Variants in PALM2AKAP2 observed in about 807,000 individuals in gnomAD.
PALM2AKAP2 encodes the protein PALM2-AKAP2 fusion protein.
Under a neutral mutation model 71.5 loss-of-function variants are expected in PALM2AKAP2, and 37 were observed. That is an observed-to-expected ratio of 0.52 (90% CI 0.40 to 0.68). PALM2AKAP2 has a LOEUF of 0.68. Among genes scored for constraint, PALM2AKAP2 ranks in the 30% least tolerant of loss-of-function variants. The pLI is 0.00. For synonymous variants in PALM2AKAP2, 468 were observed against 478.8 expected (o/e 0.98, Z 0.29); for missense variants, 1,224 against 1,191.8 (o/e 1.03, Z -0.40).
intron 6 of PALM2AKAP2, among the ~76,000 whole-genome samples, chr9:110,004,830 G>A (rs60351508): frequency 0.019 from 2,823 of 152,126 alleles, 99 homozygotes; most frequent in African/African-American, 0.065. Flanking sequence ...TTGGCTACTG[G>A]GGCTTGTGCA....
intron 1 of PALM2AKAP2, among the ~76,000 whole-genome samples, chr9:110,133,001 C>G (rs1835768655): frequency 6.6e-6 from 1 of 152,104 alleles, no homozygotes; most frequent in South Asian, 2.1e-4. Flanking sequence ...AAGATAATGG[C>G]AGTTTTGTAT....
chr9:109,669,538 T>C (rs933510300), intron 1 of PALM2AKAP2, among the ~76,000 whole-genome samples: 4 of 152,140 alleles, frequency 2.6e-5, no homozygotes, highest in East Asian at 1.9e-4. Flanking sequence ...CTTCCTTAAA[T>C]GTTTGATAGA....
At chr9:109,676,783 A>C (rs1827654517) in intron 1 of PALM2AKAP2, among the ~76,000 whole-genome samples, 1 of 152,244 alleles carries the variant, frequency 6.6e-6, no homozygotes. Flanking sequence ...CCAAGGGAGA[A>C]AAGTGTTTCA....
At chr9:110,143,729 G>A (rs990319251) in intron 2 of PALM2AKAP2, among the ~76,000 whole-genome samples, 2 of 152,158 alleles carry the variant, frequency 1.3e-5, no homozygotes, top group African/African-American at 4.8e-5. Flanking sequence ...GAGAGTTTCT[G>A]TTTTCATGCC....
intron 1 of PALM2AKAP2, among the ~76,000 whole-genome samples, chr9:109,689,002 C>T (rs1332464743): frequency 9.9e-5 from 15 of 152,238 alleles, no homozygotes; most frequent in African/African-American, 3.1e-4. Context: ...TTCCATACTT[C>T]GCCACCATCA....
upstream of PALM2AKAP2, among the ~76,000 whole-genome samples, chr9:110,044,324 C>T (rs1174030298): frequency 1.5e-5 from 2 of 129,756 alleles, no homozygotes; most frequent in African/African-American, 5.8e-5. Context: ...GCTTTTCCTG[C>T]TTTTTCTTTT....
chr9:110,082,794 T>G (rs1159641436), intron 1 of PALM2AKAP2, among the ~76,000 whole-genome samples: 1 of 152,198 alleles, frequency 6.6e-6, no homozygotes, highest in African/African-American at 2.4e-5. Flanking sequence ...TTGCCAACAT[T>G]TTTGTCCAGA....
At chr9:109,706,077 T>C (rs1373723860) in intron 1 of PALM2AKAP2, among the ~76,000 whole-genome samples, 2 of 152,072 alleles carry the variant, frequency 1.3e-5, no homozygotes, top group Non-Finnish European at 2.9e-5. Flanking sequence ...AGAGGTGAGA[T>C]TTCAATCACA....
intron 1 of PALM2AKAP2, among the ~76,000 whole-genome samples, chr9:109,841,175 A>G (rs1828653935): frequency 6.6e-6 from 1 of 152,140 alleles, no homozygotes; most frequent in Non-Finnish European, 1.5e-5. Flanking sequence ...ACCATGGAAT[A>G]CTATGCTGCC....
At chr9:110,038,147 C>T (rs1833445596) in intron 7 of PALM2AKAP2, among the ~76,000 whole-genome samples, 1 of 152,114 alleles carries the variant, frequency 6.6e-6, no homozygotes, top group Admixed American at 6.6e-5. Context: ...TGAGACTGGC[C>T]TGGGCAGCAT....
chr9:109,919,003 C>A (rs1830759084), intron 3 of PALM2AKAP2, among the ~76,000 whole-genome samples: 1 of 152,210 alleles, frequency 6.6e-6, no homozygotes, highest in South Asian at 2.1e-4. Flanking sequence ...GGCCAGGGCA[C>A]CCCGTGGAGA....
intron 1 of PALM2AKAP2, among the ~76,000 whole-genome samples, chr9:109,802,382 C>T (rs1229270699): frequency 2.6e-5 from 4 of 152,168 alleles, no homozygotes; most frequent in Non-Finnish European, 1.5e-5. Flanking sequence ...TTCATTTTGC[C>T]CTGGGCCCTA....
chr9:110,000,008 T>C (rs1174868100), intron 6 of PALM2AKAP2, among the ~76,000 whole-genome samples: 1 of 152,026 alleles, frequency 6.6e-6, no homozygotes, highest in Non-Finnish European at 1.5e-5. Flanking sequence ...TTTTCTCTAT[T>C]TTTTTTCTTT....
intron 1 of PALM2AKAP2, among the ~76,000 whole-genome samples, chr9:109,768,039 G>GGC (rs1564140550): frequency 3.7e-4 from 44 of 118,972 alleles, no homozygotes; most frequent in East Asian, 1.3e-3. Context: ...GAAAGAAAAA[G>GGC]AGGGAAGGAA....
chr9:110,016,141 T>C, intron 7 of PALM2AKAP2, 102 bp downstream of exon 7: 2 of 1,124,652 alleles, frequency 1.8e-6, no homozygotes, highest in Non-Finnish European at 2.6e-6. Flanking sequence ...CCAATCCACC[T>C]TGCTAGAGTT....
intron 1 of PALM2AKAP2, among the ~76,000 whole-genome samples, chr9:109,668,533 A>T (rs904145281): frequency 6.6e-6 from 1 of 152,188 alleles, no homozygotes; most frequent in African/African-American, 2.4e-5. Context: ...GTATTGGGAG[A>T]TTAATTATGT....
intron 7 of PALM2AKAP2, among the ~76,000 whole-genome samples, chr9:110,020,829 G>T (rs1833061336): frequency 6.6e-6 from 1 of 151,992 alleles, no homozygotes; most frequent in Admixed American, 6.6e-5. Context: ...AACAATCTTG[G>T]CTGGGCACGT....
At chr9:109,995,526 G>A (rs1832556967) in intron 6 of PALM2AKAP2, among the ~76,000 whole-genome samples, 1 of 152,184 alleles carries the variant, frequency 6.6e-6, no homozygotes, top group Non-Finnish European at 1.5e-5. Flanking sequence ...ACATGGCTAG[G>A]GAGGCCTCAC....
chr9:109,943,736 ACT>A (rs1376237642), intron 6 of PALM2AKAP2: 1 of 271,680 alleles, frequency 3.7e-6, no homozygotes, highest in Non-Finnish European at 7.0e-6. Flanking sequence ...GGTAGCCTTA[ACT>A]CACTTGACTG....
Sources: gnomAD v4.1 joint callset for allele counts (sites outside exome capture counted in the v4.1 genomes callset) on GRCh38, gnomAD v4.1.1 for gene constraint, MANE v1.5 for transcripts, NCBI Gene and HGNC (gene_info 2026-07-23, HGNC 2026-07-21) for gene names.